INTU: variants seen among roughly 807,000 people sequenced by gnomAD.
INTU encodes inturned planar cell polarity protein.
INTU carries 68 observed loss-of-function variants against 100.5 expected under a neutral mutation model. The observed-to-expected ratio is 0.68, with a 90% CI of 0.56 to 0.83. The LOEUF (loss-of-function observed/expected upper bound fraction) is 0.83, where lower values mean the gene tolerates loss of function less well. INTU is among the 40% of genes least tolerant of loss of function. INTU has a pLI of 0.00. For synonymous variants in INTU, 357 were observed against 395.7 expected (o/e 0.90, Z 1.16); for missense variants, 1,071 against 1,114.7 (o/e 0.96, Z 0.56).
intron 7 of INTU, chr4:127,685,499 G>C (rs1729782782): frequency 2.2e-6 from 1 of 454,962 alleles, no homozygotes. Flanking sequence ...AGTTTGCAGT[G>C]TTCTCTAGAG....
chr4:127,656,582 T>C, intron 2 of INTU, 54 bp from the exon 3 acceptor site: 2 of 1,277,842 alleles, frequency 1.6e-6, no homozygotes, highest in Non-Finnish European at 2.3e-6. Flanking sequence ...ATTCTAGACC[T>C]CTATGGTTTT....
Position 127,663,578 on chromosome 4 carries a change from G to A in INTU, c.966G>A (p.Lys322=). 6.2e-7 allele frequency: 1 copy of A among 1,612,530 alleles called. No individual in the cohort carries two copies. Among genetic ancestry groups the A allele is most frequent in the South Asian group, 1.1e-5 (1 of 90,910 alleles). ...LTLQLDSETS[K]EEQEILYHYP... ...TACAGCTCGACTCAGAAACCTCAAAGGAAGAGGTGAGTGTCCTCAAAAGTC... is the reference window on the plus strand; with the variant it reads ...TACAGCTCGACTCAGAAACCTCAAAAGAAGAGGTGAGTGTCCTCAAAAGTC... The change falls in exon 4 of 16, where the codon AAG becomes AAA. Residue 322 remains lysine, a synonymous_variant. Coordinates refer to ENST00000335251, the MANE Select transcript of INTU (RefSeq NM_015693.4).
chr4:127,690,125 G>A (rs532536362), intron 8 of INTU, among the ~76,000 whole-genome samples: 15 of 152,210 alleles, frequency 9.9e-5, no homozygotes, highest in East Asian at 1.9e-4. Context: ...ATCTTCCCTC[G>A]AAGAAGTTTA....
At chr4:127,643,283 T>G (rs552914426) in intron 1 of INTU, among the ~76,000 whole-genome samples, 3 of 152,306 alleles carry the variant, frequency 2.0e-5, no homozygotes, top group South Asian at 4.1e-4. Context: ...GCTATGCCTT[T>G]TTGATTCCTT....
At chr4:127,704,595 A>G (rs1309357837) in intron 10 of INTU, among the ~76,000 whole-genome samples, 1 of 151,956 alleles carries the variant, frequency 6.6e-6, no homozygotes, top group East Asian at 1.9e-4. Flanking sequence ...ATGCCTGACC[A>G]GATTAAGACC....
chr4:127,706,383 C>T lies in INTU; in HGVS notation c.1789-104C>T, dbSNP rs1030436322. 6.6e-6 allele frequency: 6 copies of T among 914,712 alleles called. No homozygotes were observed. The African/African-American group carries it at 6.7e-5, about 10-fold the overall frequency. 56.7% of individuals were successfully genotyped at this position (914,712 alleles called of 1,614,324 possible). On this transcript the variant is annotated intron_variant, in intron 11 of 15. Transcript: ENST00000335251. ...TTTTAATAATCATCACATGATTATG[C>T]CATAGGCCTCTATGTCTTCGATATT...
intron 2 of INTU, among the ~76,000 whole-genome samples, chr4:127,651,876 G>A (rs1245739798): frequency 6.6e-6 from 1 of 151,110 alleles, no homozygotes; most frequent in Admixed American, 6.6e-5. Flanking sequence ...CCATTTGTTT[G>A]TATCCTCTTT....
In INTU at chr4:127,692,279, A is replaced by C. The variant is rs998137223; in HGVS notation, c.1449+4412A>C. 3.3e-5 allele frequency among the ~76,000 whole-genome samples: 5 copies of C among 151,782 alleles called. No homozygotes were observed. The East Asian group carries it at 7.8e-4, about 24-fold the overall frequency. On this transcript the variant is annotated intron_variant, in intron 8 of 15. Transcript: ENST00000335251. The stretch of plus-strand genomic sequence containing the variant: ...ACATCTATTTTTTTTTATTATGGCC[A>C]TTGTTGCAGGAGTGAGGTGGTATTG...
chr4:127,656,211 C>T (rs1011004652), intron 2 of INTU, among the ~76,000 whole-genome samples: 5 of 152,132 alleles, frequency 3.3e-5, no homozygotes, highest in African/African-American at 4.8e-5. Context: ...GAGCTGTAGA[C>T]GGGAGCTGTT....
intron 2 of INTU, among the ~76,000 whole-genome samples, chr4:127,648,351 A>G (rs1727684239): frequency 6.6e-6 from 1 of 152,222 alleles, no homozygotes; most frequent in African/African-American, 2.4e-5. Context: ...AGTGGATATA[A>G]TATTTATTTC....
At chr4:127,650,084 T>C (rs1032429153) in intron 2 of INTU, among the ~76,000 whole-genome samples, 3 of 152,164 alleles carry the variant, frequency 2.0e-5, no homozygotes, top group African/African-American at 4.8e-5. Context: ...TTTGATATGG[T>C]TGGGGCCTTT....
rs181148288 is a variant in INTU at position 127,698,159 on chromosome 4, G to A, written c.1450-1851G>A. On this transcript the variant is annotated intron_variant, in intron 8 of 15. Transcript: ENST00000335251. ...GTTAAAAACGTGTGTGAGGCCGGCC[G>A]CAGTGGCTCACACCTGTAATCCCAG... Among the ~76,000 whole-genome samples the A allele has an allele frequency of 9.1e-4, 139 of 152,112 alleles. 1 individual carries two copies. Among genetic ancestry groups the A allele is most frequent in the Admixed American group, 2.8e-3 (43 of 15,264 alleles).
At chr4:127,684,273 T>C (rs1729713632) in intron 6 of INTU, 136 bp from the exon 7 acceptor site, 1 of 569,990 alleles carries the variant, frequency 1.8e-6, no homozygotes, top group Non-Finnish European at 3.1e-6. Flanking sequence ...AGCGACCATT[T>C]TGTACAGCTT....
Position 127,663,484 on chromosome 4 carries a change from G to T in INTU, c.872G>T (p.Trp291Leu). 1 of 1,612,664 alleles carries T rather than the reference G, an allele frequency of 6.2e-7. No individual in the cohort carries two copies. The highest frequency in any genetic ancestry group is 8.5e-7 in the Non-Finnish European group (1 of 1,178,822). Residue 291 changes from tryptophan to leucine, a missense_variant, in exon 4 of 16, where the codon TGG becomes TTG. Coordinates refer to ENST00000335251, the MANE Select transcript of INTU (RefSeq NM_015693.4). The part of the protein sequence containing the change: ...SNTSDLVKLL[W>L]GEEVEGIQQS... Reference sequence around the variant, plus strand: ...ACAAGTGATTTAGTCAAGCTTCTCTGGGGAGAAGAGGTTGAAGGTATCCAG... The same window carrying T: ...ACAAGTGATTTAGTCAAGCTTCTCTTGGGAGAAGAGGTTGAAGGTATCCAG...
At chr4:127,654,258 T>C (rs1398090251) in intron 2 of INTU, among the ~76,000 whole-genome samples, 3 of 152,226 alleles carry the variant, frequency 2.0e-5, no homozygotes, top group East Asian at 3.9e-4. Flanking sequence ...AATTTGATCC[T>C]GTCATTATGA....
intron 3 of INTU, among the ~76,000 whole-genome samples, chr4:127,661,917 C>T (rs1258719285): frequency 6.6e-6 from 1 of 152,068 alleles, no homozygotes; most frequent in East Asian, 1.9e-4. Context: ...AGGGCATAAG[C>T]GTTCCCTTTT....
At chr4:127,681,805 A>C (rs1043792527) in intron 6 of INTU, among the ~76,000 whole-genome samples, 18 of 152,336 alleles carry the variant, frequency 1.2e-4, no homozygotes, top group African/African-American at 4.1e-4. Context: ...CTACCATCAG[A>C]GTGAACAGGC....
At chr4:127,635,463 G>T (rs912027114) in intron 1 of INTU, among the ~76,000 whole-genome samples, 45 of 152,302 alleles carry the variant, frequency 3.0e-4, no homozygotes, top group African/African-American at 1.1e-3. Flanking sequence ...TGTCAATGTT[G>T]TGACTTGGAT....
At chr4:127,715,137 C>G (rs1344460055) in intron 15 of INTU, among the ~76,000 whole-genome samples, 1 of 151,902 alleles carries the variant, frequency 6.6e-6, no homozygotes, top group East Asian at 1.9e-4. Context: ...ATCTAATGAA[C>G]AAAGATGCGA....
Sources: allele counts gnomAD v4.1 joint callset (sites outside exome capture counted in the v4.1 genomes callset), GRCh38; gene constraint gnomAD v4.1.1; transcripts MANE v1.5; gene names NCBI Gene and HGNC (gene_info 2026-07-23, HGNC 2026-07-21).